RP1: variants seen among roughly 807,000 people sequenced by gnomAD.
The protein encoded by RP1 is oxygen-regulated protein 1.
A neutral mutation model predicts 14.8 loss-of-function variants in RP1; 16 were observed. The observed-to-expected ratio is 1.08, with a 90% CI of 0.73 to 1.65. The LOEUF is 1.65. Among genes scored for constraint, RP1 ranks in the 40% most tolerant of loss-of-function variants. The probability of loss-of-function intolerance (pLI) is 0.00; values close to 1 mark genes in which losing one functional copy is unlikely to be tolerated. For missense variants in RP1, 2,631 were observed against 2,535.0 expected (o/e 1.04, Z -0.81); for synonymous variants, 876 against 883.6 (o/e 0.99, Z 0.15).
chr8:54,728,424 T>C (rs1423174615), intron 17 of RP1, among the ~76,000 whole-genome samples: 1 of 152,180 alleles, frequency 6.6e-6, no homozygotes, highest in Non-Finnish European at 1.5e-5. Flanking sequence ...AGAAAACTTA[T>C]TTTCTACTTT....
chr8:54,630,868 A>T (rs1354330781), downstream of RP1: 2 of 976,462 alleles, frequency 2.0e-6, no homozygotes, highest in African/African-American at 3.5e-5. Context: ...TCCTCAGAAT[A>T]TCCAGTGAAA....
At chr8:54,653,832 C>T (rs2129326658) in intron 5 of RP1, among the ~76,000 whole-genome samples, 1 of 152,192 alleles carries the variant, frequency 6.6e-6, no homozygotes, top group South Asian at 2.1e-4. Context: ...CTTAAATGAT[C>T]ATATATGACA....
In RP1 at chr8:54,649,025, AG is replaced by A; in HGVS notation, c.829del (p.Asp277MetfsTer42). The A allele has an allele frequency of 6.6e-7, 1 of 1,526,376 alleles. No homozygotes were observed. The allele number at this position is 1,526,376 out of a possible 1,614,324, so 94.6% of individuals were successfully genotyped here. The stretch of plus-strand genomic sequence containing the variant: ...TTTTTATAATCACCAGTGACTTGCC[AG>A]ATGCAGGGACCAGCTCACAGATTTA... On this transcript the variant is annotated frameshift_variant, in exon 4 of 23. Transcript: ENST00000636932. LOFTEE classifies it high-confidence loss of function.
rs536365310 is a variant in RP1 at position 54,624,213 on chromosome 8, G to A, written c.788-457G>A. Among the ~76,000 whole-genome samples, 5 of 151,980 alleles carry A rather than the reference G, an allele frequency of 3.3e-5. No individual in the cohort carries two copies. In the East Asian group the frequency reaches 9.7e-4, roughly 30 times the overall value. Reference sequence around the variant, plus strand: ...TCCCAGCACTTTGGGAGGCCGAGGCGGGCGGATCATGAGGTCAGGAGATCG... The same window carrying A: ...TCCCAGCACTTTGGGAGGCCGAGGCAGGCGGATCATGAGGTCAGGAGATCG... On this transcript the variant is annotated intron_variant, in intron 3 of 3. Coordinates refer to ENST00000220676, the MANE Select transcript of RP1 (RefSeq NM_006269.2).
Position 54,625,262 on chromosome 8 carries a change from G to T in RP1, c.1380G>T (p.Lys460Asn). Residue 460 changes from lysine to asparagine, a missense_variant, in exon 4 of 4, where the codon AAG becomes AAT. Transcript: ENST00000220676. ...PTPGLRRVRQKKSVIGSVTLV... is the reference protein window; with the variant it reads ...PTPGLRRVRQNKSVIGSVTLV... Reference sequence around the variant, plus strand: ...CTGGACTAAGAAGAGTGAGACAAAAGAAATCTGTGATTGGCAGTGTGACCT... The same window carrying T: ...CTGGACTAAGAAGAGTGAGACAAAATAAATCTGTGATTGGCAGTGTGACCT... The T allele has an allele frequency of 1.2e-6, 2 of 1,614,142 alleles. No individual in the cohort carries two copies. The highest frequency in any genetic ancestry group is 1.7e-6 in the Non-Finnish European group (2 of 1,180,018).
At chr8:54,755,533 C>T (rs879522831) in intron 20 of RP1, 13 of 1,330,636 alleles carry the variant, frequency 9.8e-6, no homozygotes, top group African/African-American at 1.5e-5. Flanking sequence ...TTACTATAGC[C>T]TGAAAACCTA....
rs1808013736 is a variant in RP1, at chr8:54,701,417, ATAATG to A, written c.1822-67_1822-63del. 3 of 1,344,498 alleles carry A rather than the reference ATAATG, an allele frequency of 2.2e-6. No homozygotes were observed. In the East Asian group the frequency reaches 7.6e-5, roughly 34 times the overall value. 83.3% of individuals were successfully genotyped at this position (1,344,498 alleles called of 1,614,324 possible). On this transcript the variant is annotated intron_variant, in intron 13 of 22. Transcript: ENST00000636932. ...ATGAAGTAGACACCTGTATATGTAT[ATAATG>A]TGATTACATTAAATTTTTTTTTTCT...
intron 16 of RP1, among the ~76,000 whole-genome samples, chr8:54,724,644 A>G (rs998931312): frequency 3.8e-4 from 58 of 152,052 alleles, no homozygotes; most frequent in Admixed American, 6.6e-4. Context: ...AGAGTATTGT[A>G]TTATTGGAGG....
intron 12 of RP1, among the ~76,000 whole-genome samples, chr8:54,689,279 C>A (rs557319389): frequency 5.9e-5 from 9 of 152,238 alleles, no homozygotes; most frequent in Admixed American, 1.3e-4. Context: ...TTGACTTCCT[C>A]TTTTCCTAAT....
chr8:54,857,666 G>T (rs1812237478), intron 27 of RP1, among the ~76,000 whole-genome samples: 1 of 152,080 alleles, frequency 6.6e-6, no homozygotes, highest in African/African-American at 2.4e-5. Flanking sequence ...GCGTGTGTGT[G>T]ATCTCCAGAC....
chr8:54,752,027 T>C (rs1249525660), intron 19 of RP1, among the ~76,000 whole-genome samples: 2 of 152,176 alleles, frequency 1.3e-5, no homozygotes. Flanking sequence ...GAGGTTAATG[T>C]AGAGGAAGAA....
At chr8:54,801,108 G>A (rs1810694209) in intron 24 of RP1, among the ~76,000 whole-genome samples, 1 of 152,140 alleles carries the variant, frequency 6.6e-6, no homozygotes, top group African/African-American at 2.4e-5. Flanking sequence ...GTAACTTCAC[G>A]TTCCTTTAGT....
intron 12 of RP1, among the ~76,000 whole-genome samples, chr8:54,682,519 T>C (rs936549184): frequency 6.6e-6 from 1 of 152,184 alleles, no homozygotes; most frequent in Non-Finnish European, 1.5e-5. Context: ...TGCACACATA[T>C]GTTTATTGCA....
chr8:54,697,218 T>C, intron 12 of RP1: 1 of 664,050 alleles, frequency 1.5e-6, no homozygotes, highest in South Asian at 1.7e-5. Flanking sequence ...AGAAGATTAT[T>C]TCCTGCGTTA....
chr8:54,695,556 A>G (rs2129341334), intron 12 of RP1, among the ~76,000 whole-genome samples: 1 of 152,296 alleles, frequency 6.6e-6, no homozygotes, highest in South Asian at 2.1e-4. Context: ...GAACAATAAG[A>G]AGATTAAATT....
chr8:54,613,413 C>A (rs1242678024), upstream of RP1, among the ~76,000 whole-genome samples: 2 of 152,170 alleles, frequency 1.3e-5, no homozygotes, highest in Non-Finnish European at 2.9e-5. Context: ...TATATCTCCA[C>A]AACAATTCTG....
chr8:54,704,234 G>C (rs548885719), intron 14 of RP1, among the ~76,000 whole-genome samples: 21 of 152,146 alleles, frequency 1.4e-4, no homozygotes, highest in Non-Finnish European at 2.9e-4. Context: ...TAAAGCAGGA[G>C]ATATGTGACT....
chr8:54,854,004 AAAG>A (rs964946016), intron 26 of RP1, among the ~76,000 whole-genome samples: 9 of 151,980 alleles, frequency 5.9e-5, no homozygotes, highest in Non-Finnish European at 1.0e-4. Context: ...AAAGAAAAGA[AAAG>A]AAATGAAGGA....
chr8:54,791,733 GAC>G (rs1167677681), intron 24 of RP1, among the ~76,000 whole-genome samples: 5 of 151,896 alleles, frequency 3.3e-5, no homozygotes, highest in African/African-American at 1.2e-4. Flanking sequence ...AAGATTAAGA[GAC>G]AGAGATCAAA....
Sources: gnomAD v4.1 joint callset for allele counts (sites outside exome capture counted in the v4.1 genomes callset) on GRCh38, gnomAD v4.1.1 for gene constraint, MANE v1.5 for transcripts, NCBI Gene and HGNC (gene_info 2026-07-23, HGNC 2026-07-21) for gene names.